The following CDH23 variants were observed in gnomAD, a reference collection of about 807,000 sequenced individuals.
The protein encoded by CDH23 is cadherin-23.
A neutral mutation model predicts 317.1 loss-of-function variants in CDH23; 189 were observed. That is an observed-to-expected ratio of 0.60 (90% confidence interval 0.53 to 0.67). The LOEUF (loss-of-function observed/expected upper bound fraction) is 0.67. Among genes scored for constraint, CDH23 ranks in the 30% least tolerant of loss-of-function variants. The pLI, the probability that CDH23 is intolerant of heterozygous loss-of-function variation, is 0.00. For synonymous variants in CDH23, 1,839 were observed against 1,876.8 expected, an observed-to-expected ratio of 0.98 and a Z score of 0.52; for missense variants, 4,401 against 4,592.4, an observed-to-expected ratio of 0.96 and a Z score of 1.20.
intron 3 of CDH23, among the ~76,000 whole-genome samples, chr10:71,466,475 T>C (rs1402676390): frequency 1.3e-5 from 2 of 152,010 alleles, no homozygotes; most frequent in Admixed American, 1.3e-4. Context: ...AGTGTGTGAG[T>C]GTGCCCCACC....
intron 51 of CDH23, 60 bp downstream of exon 51, chr10:71,799,340 G>C (rs1294390273): frequency 3.7e-6 from 6 of 1,611,020 alleles, no homozygotes; most frequent in Non-Finnish European, 4.2e-6. Context: ...GGGTCTTTGG[G>C]CATCTTCCTC....
At chr10:71,586,570 C>A (rs1187393467) in intron 9 of CDH23, among the ~76,000 whole-genome samples, 1 of 152,158 alleles carries the variant, frequency 6.6e-6, no homozygotes, top group Non-Finnish European at 1.5e-5. Flanking sequence ...CCATGCCTTA[C>A]CTCGCCTTAC....
rs554763494 is a variant in CDH23, at chr10:71,562,291, C to A, written c.430-4451C>A. 6.6e-5 allele frequency among the ~76,000 whole-genome samples: 10 copies of A among 152,358 alleles called. No individual in the cohort carries two copies. In the South Asian group the frequency reaches 2.1e-3, roughly 32 times the overall value. ...CATGATCAAGCCATCCCTTGCCCGT[C>A]CGGCCACCTCCCCATGCGCATGCTG... On this transcript the variant is annotated intron_variant, in intron 6 of 69. Coordinates refer to ENST00000224721, the MANE Select transcript of CDH23 (RefSeq NM_022124.6).
intron 6 of CDH23, among the ~76,000 whole-genome samples, chr10:71,516,694 A>G (rs1854350932): frequency 6.6e-6 from 1 of 152,204 alleles, no homozygotes; most frequent in African/African-American, 2.4e-5. Flanking sequence ...CCCATCCTAC[A>G]GAGACAGACA....
At chr10:71,693,722 G>A (rs1416026918) in intron 20 of CDH23, among the ~76,000 whole-genome samples, 3 of 152,186 alleles carry the variant, frequency 2.0e-5, no homozygotes, top group African/African-American at 7.2e-5. Context: ...TGGACCCTAT[G>A]AGGAAACTGA....
intron 1 of CDH23, among the ~76,000 whole-genome samples, chr10:71,403,398 T>TCTCTTC (rs1847913330): frequency 8.9e-6 from 1 of 111,784 alleles, no homozygotes; most frequent in Non-Finnish European, 1.8e-5. Flanking sequence ...TTTCTTTCTT[T>TCTCTTC]CTTTCTTTCT....
At chr10:71,420,495 T>A (rs1848741798) in intron 1 of CDH23, among the ~76,000 whole-genome samples, 1 of 141,706 alleles carries the variant, frequency 7.1e-6, no homozygotes. Context: ...ATGGTGATGA[T>A]GGTAATGGTG....
intron 38 of CDH23, among the ~76,000 whole-genome samples, chr10:71,762,734 G>A (rs951411264): frequency 2.0e-5 from 3 of 152,232 alleles, no homozygotes; most frequent in African/African-American, 7.2e-5. Flanking sequence ...AGTAGAAAGG[G>A]TGTCCTAGGC....
chr10:71,755,333 C>T (rs1840108318), intron 38 of CDH23: 2 of 1,594,074 alleles, frequency 1.3e-6, no homozygotes, highest in Non-Finnish European at 1.7e-6. Flanking sequence ...ACCGTCCACC[C>T]ACCCCAGGCA....
chr10:71,630,359 T>C (rs1303018803), intron 11 of CDH23, among the ~76,000 whole-genome samples: 1 of 146,036 alleles, frequency 6.8e-6, no homozygotes, highest in Non-Finnish European at 1.5e-5. Context: ...CTGCCAGGGG[T>C]GGGGGTGGGT....
intron 47 of CDH23, among the ~76,000 whole-genome samples, chr10:71,792,237 AATT>A (rs1841270618): frequency 6.6e-6 from 1 of 152,172 alleles, no homozygotes; most frequent in Non-Finnish European, 1.5e-5. Context: ...AATTACATCC[AATT>A]ATTATAATCT....
chr10:71,511,251 C>T, intron 6 of CDH23, 39 bp downstream of exon 6: 1 of 1,525,070 alleles, frequency 6.6e-7, no homozygotes, highest in Non-Finnish European at 9.1e-7. Flanking sequence ...GTATCAGAGA[C>T]CTGCTGCTCC....
chr10:71,701,703 C>G (rs984033438), intron 22 of CDH23, among the ~76,000 whole-genome samples: 9 of 152,128 alleles, frequency 5.9e-5, no homozygotes, highest in African/African-American at 1.4e-4. Flanking sequence ...GTGTCACAAT[C>G]TAATGCTTCA....
rs759329457 is a variant in CDH23 at position 71,702,091 on chromosome 10, T to C, written c.2467T>C (p.Phe823Leu). 7.4e-6 allele frequency: 12 copies of C among 1,613,776 alleles called. No homozygotes were observed. The highest frequency in any genetic ancestry group is 3.3e-5 in the Admixed American group (2 of 60,002). ...LVYSIQPPNKFYSLNSTTGKI... is the reference protein window; with the variant it reads ...LVYSIQPPNKLYSLNSTTGKI... ...GTACAGCATCCAGCCACCCAACAAG[T>C]TCTACAGCCTCAACAGCACCACGGG... Residue 823 changes from phenylalanine to leucine, a missense_variant, in exon 23 of 70, where the codon TTC becomes CTC. Coordinates refer to ENST00000224721, the MANE Select transcript of CDH23 (RefSeq NM_022124.6).
At chr10:71,729,678 T>C (rs1839290803) in intron 30 of CDH23, among the ~76,000 whole-genome samples, 1 of 152,214 alleles carries the variant, frequency 6.6e-6, no homozygotes, top group Non-Finnish European at 1.5e-5. Flanking sequence ...CATTCTCTAC[T>C]ACAACTGCCA....
rs753629464 is a variant in CDH23 at position 71,420,422 on chromosome 10, GTGA to G, written c.-5-19390_-5-19388del. Reference sequence around the variant, plus strand: ...GGTGATGGTGATGATGATGGTGATGGTGATGATGATGATGATGGTCATTATGAT... The same window carrying G: ...GGTGATGGTGATGATGATGGTGATGGTGATGATGATGATGGTCATTATGAT... On this transcript the variant is annotated intron_variant, in intron 1 of 69. Transcript: ENST00000224721. Among the ~76,000 whole-genome samples, 10 of 124,636 alleles carry G rather than the reference GTGA, an allele frequency of 8.0e-5. No homozygotes were observed. The East Asian group carries it at 1.2e-3, about 15-fold the overall frequency. The allele number at this position is 124,636 out of a possible 152,430, so 81.8% of individuals were successfully genotyped here.
At chr10:71,753,706 C>A (rs1429813836) in intron 38 of CDH23, 8 of 455,034 alleles carry the variant, frequency 1.8e-5, no homozygotes, top group Admixed American at 7.1e-5. Flanking sequence ...TCATGCAGCA[C>A]CCCATGTCCT....
At chr10:71,746,913 T>C (rs1242641831) in intron 38 of CDH23, among the ~76,000 whole-genome samples, 1 of 152,164 alleles carries the variant, frequency 6.6e-6, no homozygotes, top group African/African-American at 2.4e-5. Flanking sequence ...GGGACACTGC[T>C]CTTGGCAGTA....
At chr10:71,802,615 C>T (rs1841587483) in intron 53 of CDH23, among the ~76,000 whole-genome samples, 1 of 152,330 alleles carries the variant, frequency 6.6e-6, no homozygotes, top group East Asian at 1.9e-4. Context: ...GTTTCTGCTT[C>T]AGGGCCCAGG....
Sources: gnomAD v4.1 joint callset for allele counts (sites outside exome capture counted in the v4.1 genomes callset) on GRCh38, gnomAD v4.1.1 for gene constraint, MANE v1.5 for transcripts, NCBI Gene and HGNC (gene_info 2026-07-23, HGNC 2026-07-21) for gene names.